NSMAF: variants seen among roughly 807,000 people sequenced by gnomAD.
NSMAF encodes the protein neutral sphingomyelinase activation associated factor, also known as protein FAN.
NSMAF carries 90 observed loss-of-function variants against 134.9 expected under a neutral mutation model. The ratio of observed to expected loss-of-function variants is 0.67; its 90% confidence interval spans 0.56 to 0.79. The LOEUF is 0.79. NSMAF is among the 30% of genes least tolerant of loss of function. The pLI, the probability that NSMAF is intolerant of heterozygous loss-of-function variation, is 0.00. For missense variants in NSMAF, 1,010 were observed against 1,119.0 expected, an observed-to-expected ratio of 0.90 and a Z score of 1.39; for synonymous variants, 358 against 389.6, an observed-to-expected ratio of 0.92 and a Z score of 0.96.
intron 1 of NSMAF, chr8:58,659,312 T>C (rs1175791288): frequency 6.6e-7 from 1 of 1,526,568 alleles, no homozygotes. Flanking sequence ...TCGGCATGCC[T>C]CGGCTCCGCG....
chr8:58,595,841 G>T, intron 21 of NSMAF, 182 bp from the exon 22 acceptor site: 1 of 526,228 alleles, frequency 1.9e-6, no homozygotes, highest in Non-Finnish European at 3.4e-6. Context: ...AAATTGTATA[G>T]AGAAAGATAA....
chr8:58,586,265 T>C, intron 28 of NSMAF, 193 bp downstream of exon 28: 2 of 634,716 alleles, frequency 3.2e-6, no homozygotes, highest in Non-Finnish European at 5.4e-6. Context: ...GTCCGGCTTT[T>C]CTACCTGATA....
intron 9 of NSMAF, among the ~76,000 whole-genome samples, chr8:58,619,068 A>AGAAGC (rs1167005989): frequency 2.6e-5 from 4 of 152,206 alleles, no homozygotes; most frequent in Admixed American, 2.6e-4. Flanking sequence ...GTAGGTCAGA[A>AGAAGC]GAAGCTAATT....
At chr8:58,650,930 C>T (rs1427958461) in intron 1 of NSMAF, among the ~76,000 whole-genome samples, 1 of 152,232 alleles carries the variant, frequency 6.6e-6, no homozygotes, top group Non-Finnish European at 1.5e-5. Context: ...GCCACCATTT[C>T]TTCCACCCAC....
chr8:58,599,127 G>T, intron 19 of NSMAF, 105 bp downstream of exon 19: 1 of 1,114,276 alleles, frequency 9.0e-7, no homozygotes, highest in Non-Finnish European at 1.3e-6. Flanking sequence ...TAATTGCTTT[G>T]GCCTCATTTT....
intron 9 of NSMAF, 74 bp downstream of exon 9, chr8:58,623,146 G>T: frequency 8.7e-7 from 1 of 1,145,838 alleles, no homozygotes; most frequent in South Asian, 1.3e-5. Context: ...CAGCAGGCTT[G>T]GATTTGCTGA....
chr8:58,654,662 T>C (rs1480746401), intron 1 of NSMAF, among the ~76,000 whole-genome samples: 33 of 152,320 alleles, frequency 2.2e-4, no homozygotes, highest in Admixed American at 2.1e-3. Context: ...ACTATTAATG[T>C]AATATGCAGG....
intron 1 of NSMAF, among the ~76,000 whole-genome samples, chr8:58,650,182 T>C (rs1454093111): frequency 6.6e-6 from 1 of 152,188 alleles, no homozygotes; most frequent in Admixed American, 6.5e-5. Context: ...ATAAGAGCTT[T>C]CCCTGTCATA....
chr8:58,602,305 G>A (rs762023924), intron 13 of NSMAF, among the ~76,000 whole-genome samples, 168 bp from the exon 14 acceptor site: 29 of 152,100 alleles, frequency 1.9e-4, no homozygotes, highest in Admixed American at 3.3e-4. Context: ...GAAAAGGTTA[G>A]CAATTTTGAG....
Position 58,585,947 on chromosome 8 carries a change from C to G in NSMAF, c.2500G>C (p.Val834Leu), listed in dbSNP as rs1382309664. 1 of 1,613,968 alleles carries G rather than the reference C, an allele frequency of 6.2e-7. No individual in the cohort carries two copies. The highest frequency in any genetic ancestry group is 8.5e-7 in the Non-Finnish European group (1 of 1,180,030). Residue 834 changes from valine (V) to leucine (L), a missense_variant, in exon 29 of 31, where the codon GTG becomes CTG. Transcript: ENST00000038176. ...GAGGAGATGAGCATTCCTGTCTGCA[C>G]ATCAATGACATTAAGACAGCCATCT... Reference protein sequence around the residue: ...GTDGCLNVIDVQTGMLISSMT... With the variant: ...GTDGCLNVIDLQTGMLISSMT...
At chr8:58,612,938 G>A (rs1806564414) in intron 9 of NSMAF, among the ~76,000 whole-genome samples, 1 of 151,946 alleles carries the variant, frequency 6.6e-6, no homozygotes, top group South Asian at 2.1e-4. Flanking sequence ...TCTTTAAAGG[G>A]GTAAGAAACC....
At chr8:58,598,009 T>C (rs1806178496) in intron 19 of NSMAF, 107 bp from the exon 20 acceptor site, 2 of 812,484 alleles carry the variant, frequency 2.5e-6, no homozygotes, top group East Asian at 2.5e-5. Flanking sequence ...TTCAAAGAAA[T>C]TGCTATTCAC....
intron 6 of NSMAF, among the ~76,000 whole-genome samples, chr8:58,625,599 C>T (rs147272494): frequency 6.6e-6 from 1 of 152,248 alleles, no homozygotes; most frequent in Non-Finnish European, 1.5e-5. Context: ...ATAAGTATGG[C>T]TAGCTCTGTT....
chr8:58,622,496 C>T (rs552482778), intron 9 of NSMAF, among the ~76,000 whole-genome samples: 41 of 152,058 alleles, frequency 2.7e-4, no homozygotes, highest in African/African-American at 6.3e-4. Context: ...CAGGTTCAAG[C>T]GATTCTTCTG....
At chr8:58,657,971 T>C (rs1180276909) in intron 1 of NSMAF, among the ~76,000 whole-genome samples, 1 of 152,212 alleles carries the variant, frequency 6.6e-6, no homozygotes, top group African/African-American at 2.4e-5. Flanking sequence ...ACCACGGAGC[T>C]GTATGAGCTA....
At chr8:58,585,224 C>T (rs1805855103) in intron 30 of NSMAF, among the ~76,000 whole-genome samples, 2 of 152,004 alleles carry the variant, frequency 1.3e-5, no homozygotes, top group South Asian at 4.1e-4. Flanking sequence ...AGGACACACA[C>T]TGGTAAAGTA....
At chr8:58,593,130 G>A (rs1806057561) in intron 23 of NSMAF, among the ~76,000 whole-genome samples, 1 of 152,136 alleles carries the variant, frequency 6.6e-6, no homozygotes, top group Non-Finnish European at 1.5e-5. Context: ...CTTTGTCTGA[G>A]GCTATAATTT....
At chr8:58,652,927 G>A (rs1367824798) in intron 1 of NSMAF, among the ~76,000 whole-genome samples, 13 of 152,192 alleles carry the variant, frequency 8.5e-5, no homozygotes, top group Admixed American at 1.3e-4. Flanking sequence ...ATTCCGTAAC[G>A]AGGATATGAC....
chr8:58,623,297 A>T, intron 8 of NSMAF, 25 bp from the exon 9 acceptor site: 1 of 1,217,614 alleles, frequency 8.2e-7, no homozygotes, highest in Non-Finnish European at 1.1e-6. Flanking sequence ...CCAGAAAAAA[A>T]GTATTTATAA....
Sources: allele counts gnomAD v4.1 joint callset (sites outside exome capture counted in the v4.1 genomes callset), GRCh38; gene constraint gnomAD v4.1.1; transcripts MANE v1.5; gene names NCBI Gene and HGNC (gene_info 2026-07-23, HGNC 2026-07-21).